The following RAD54L2 variants were observed in gnomAD, a reference collection of about 807,000 sequenced individuals.
The protein encoded by RAD54L2 is RAD54 like 2.
RAD54L2 carries 27 observed loss-of-function variants against 138.4 expected under a neutral mutation model. That is an observed-to-expected ratio of 0.20 (90% CI 0.14 to 0.27). The LOEUF (loss-of-function observed/expected upper bound fraction) is 0.27. Among genes scored for constraint, RAD54L2 ranks in the 10% least tolerant of loss-of-function variants. RAD54L2 has a pLI of 1.00. For missense variants in RAD54L2, 1,396 were observed against 1,890.2 expected, an observed-to-expected ratio of 0.74 and a Z score of 4.85; for synonymous variants, 644 against 723.2, an observed-to-expected ratio of 0.89 and a Z score of 1.76.
intron 2 of RAD54L2, among the ~76,000 whole-genome samples, chr3:51,589,794 G>T (rs886230488): frequency 1.3e-5 from 2 of 151,786 alleles, no homozygotes; most frequent in Admixed American, 1.3e-4. Context: ...TGAACAAATG[G>T]GATTTCCAAG....
chr3:51,651,208 C>G (rs897682420), intron 19 of RAD54L2, among the ~76,000 whole-genome samples: 10 of 152,116 alleles, frequency 6.6e-5, no homozygotes, highest in Admixed American at 2.0e-4. Flanking sequence ...AATTCCTGCA[C>G]CCATATACCC....
chr3:51,556,090 A>G (rs1469795761), intron 2 of RAD54L2, among the ~76,000 whole-genome samples: 5 of 152,108 alleles, frequency 3.3e-5, no homozygotes, highest in Admixed American at 6.6e-5. Context: ...AGGTCCTCCT[A>G]TAGTCTTTCC....
intron 2 of RAD54L2, among the ~76,000 whole-genome samples, chr3:51,542,626 GC>G (rs1311727883): frequency 6.6e-6 from 1 of 151,986 alleles, no homozygotes; most frequent in Non-Finnish European, 1.5e-5. Flanking sequence ...ACCACACCCG[GC>G]TAATTTTTTG....
intron 15 of RAD54L2, among the ~76,000 whole-genome samples, chr3:51,642,769 G>A (rs1701172759): frequency 6.6e-6 from 1 of 152,120 alleles, no homozygotes; most frequent in African/African-American, 2.4e-5. Context: ...GGTTCAGGGA[G>A]TAGCAAGAAG....
intron 3 of RAD54L2, among the ~76,000 whole-genome samples, chr3:51,594,026 C>T (rs1427659494): frequency 6.6e-6 from 1 of 150,608 alleles, no homozygotes; most frequent in Non-Finnish European, 1.5e-5. Context: ...AGCATTTTGA[C>T]ACACTTTATC....
chr3:51,662,487 A>G lies in RAD54L2; in HGVS notation c.3471A>G (p.Lys1157=). 6.3e-7 allele frequency: 1 copy of G among 1,595,178 alleles called. No homozygotes were observed. The highest frequency in any genetic ancestry group is 8.5e-7 in the Non-Finnish European group (1 of 1,171,204). Residue 1157 remains lysine, a synonymous_variant, in exon 23 of 23, where the codon AAA becomes AAG. Coordinates refer to ENST00000684192, the MANE Select transcript of RAD54L2 (RefSeq NM_015106.4). This position sits in a 1 kb window ranked among gnomAD's most constrained non-coding sequence, Gnocchi z 4.6. ...SNGRHSASSP[K]APDPEGLARP... ...GCAGACACAGTGCCTCATCACCCAAAGCCCCCGACCCTGAGGGGCTGGCCA... is the reference window on the plus strand; with the variant it reads ...GCAGACACAGTGCCTCATCACCCAAGGCCCCCGACCCTGAGGGGCTGGCCA...
At chr3:51,624,223 G>C (rs1376682123) in intron 3 of RAD54L2, among the ~76,000 whole-genome samples, 1 of 149,508 alleles carries the variant, frequency 6.7e-6, no homozygotes, top group African/African-American at 2.4e-5. Context: ...TTTCTTTCTG[G>C]TGTGTGTGGT....
intron 13 of RAD54L2, 39 bp from the exon 14 acceptor site, chr3:51,639,842 C>G (rs548997852): frequency 6.6e-7 from 1 of 1,521,446 alleles, no homozygotes. Flanking sequence ...GTGATCTGGC[C>G]TTGGACCTGC....
intron 3 of RAD54L2, among the ~76,000 whole-genome samples, chr3:51,597,762 T>C (rs1424828057): frequency 2.0e-5 from 3 of 151,794 alleles, no homozygotes; most frequent in Admixed American, 1.3e-4. Flanking sequence ...CGTGAGGCAG[T>C]GGTTGCAGCG....
chr3:51,588,925 G>A (rs919018787), intron 2 of RAD54L2, among the ~76,000 whole-genome samples: 8 of 151,990 alleles, frequency 5.3e-5, no homozygotes, highest in Non-Finnish European at 8.8e-5. Context: ...ATGTCTTTAC[G>A]GCTTCCTTCC....
chr3:51,611,845 C>T (rs1279946842), intron 3 of RAD54L2, among the ~76,000 whole-genome samples: 6 of 152,058 alleles, frequency 3.9e-5, no homozygotes, highest in African/African-American at 1.2e-4. Flanking sequence ...TGTGAGCCAC[C>T]GCGCCTGGCC....
At chr3:51,611,447 T>C (rs1700327255) in intron 3 of RAD54L2, 1 of 152,196 alleles carries the variant, frequency 6.6e-6, no homozygotes, top group Admixed American at 6.5e-5. Context: ...ATAAAAGCTG[T>C]GGTTCAATGC....
intron 15 of RAD54L2, among the ~76,000 whole-genome samples, chr3:51,643,328 C>A (rs903622874): frequency 4.6e-5 from 7 of 152,236 alleles, no homozygotes; most frequent in African/African-American, 1.7e-4. Context: ...CCACTGTGCC[C>A]GGCCCTAAAG....
intron 7 of RAD54L2, among the ~76,000 whole-genome samples, chr3:51,631,144 A>G (rs1272501067): frequency 6.6e-6 from 1 of 152,208 alleles, no homozygotes; most frequent in Non-Finnish European, 1.5e-5. Context: ...GGGAAGAGAC[A>G]AGCTTCAGGT....
chr3:51,630,923 C>T lies in RAD54L2; in HGVS notation c.817C>T (p.Pro273Ser), dbSNP rs1700823232. The change falls in exon 7 of 23, where the codon CCT (proline) becomes TCT (serine). Residue 273 changes from proline to serine, a missense_variant. Pro to Ser is a moderately conservative substitution (Grantham distance 74). Coordinates refer to ENST00000684192, the MANE Select transcript of RAD54L2 (RefSeq NM_015106.4). ...LAPQLARAVKPHQIGGIRFLY... is the reference protein window; with the variant it reads ...LAPQLARAVKSHQIGGIRFLY... ...CCCACAGTTGGCACGGGCTGTGAAACCTCATCAGGTACAGCAAACCTTGAC... is the reference window on the plus strand; with the variant it reads ...CCCACAGTTGGCACGGGCTGTGAAATCTCATCAGGTACAGCAAACCTTGAC... 3 of 1,609,904 alleles carry T rather than the reference C, an allele frequency of 1.9e-6. No homozygotes were observed. In the South Asian group the frequency reaches 3.3e-5, roughly 18 times the overall value.
chr3:51,601,366 A>G (rs1174538691), intron 3 of RAD54L2, among the ~76,000 whole-genome samples: 1 of 143,074 alleles, frequency 7.0e-6, no homozygotes, highest in Non-Finnish European at 1.5e-5. Flanking sequence ...GGAGTGCAAT[A>G]GCGTGATCTT....
At chr3:51,623,758 G>A (rs1374441788) in intron 3 of RAD54L2, among the ~76,000 whole-genome samples, 7 of 151,836 alleles carry the variant, frequency 4.6e-5, no homozygotes, top group Admixed American at 4.6e-4. Flanking sequence ...GGTGGATCAC[G>A]AGGTCAGGAG....
intron 3 of RAD54L2, among the ~76,000 whole-genome samples, chr3:51,598,848 G>A (rs898604702): frequency 6.6e-6 from 1 of 152,022 alleles, no homozygotes; most frequent in Non-Finnish European, 1.5e-5. Context: ...CAAAGGGAGG[G>A]TATGGAAGCT....
chr3:51,643,222 A>T (rs1701184368), intron 15 of RAD54L2, among the ~76,000 whole-genome samples: 1 of 151,984 alleles, frequency 6.6e-6, no homozygotes, highest in South Asian at 2.1e-4. Context: ...TTTAGTAGAG[A>T]CGGGGTTTCA....
Sources: allele counts gnomAD v4.1 joint callset (sites outside exome capture counted in the v4.1 genomes callset), GRCh38; gene constraint gnomAD v4.1.1; non-coding constraint Gnocchi (gnomAD v3.1); transcripts MANE v1.5; gene names NCBI Gene and HGNC (gene_info 2026-07-23, HGNC 2026-07-21).